Variants in SLC9A9 observed in about 807,000 individuals in gnomAD.
SLC9A9 encodes solute carrier family 9 member A9.
In SLC9A9, 62 loss-of-function variants were observed where a neutral mutation model predicts 77.8. The observed-to-expected ratio is 0.80, with a 90% CI of 0.65 to 0.98. The LOEUF (loss-of-function observed/expected upper bound fraction) is 0.98. Among genes scored for constraint, SLC9A9 ranks in the 50% least tolerant of loss-of-function variants. The probability of loss-of-function intolerance (pLI) is 0.00; values close to 1 mark genes in which losing one functional copy is unlikely to be tolerated. For synonymous variants in SLC9A9, 320 were observed against 283.5 expected, an observed-to-expected ratio of 1.13 and a Z score of -1.29; for missense variants, 775 against 774.9, an observed-to-expected ratio of 1.00 and a Z score of 0.00.
At chr3:143,325,913 A>C (rs1039641363) in intron 14 of SLC9A9, among the ~76,000 whole-genome samples, 2 of 152,226 alleles carry the variant, frequency 1.3e-5, no homozygotes, top group East Asian at 3.8e-4. Flanking sequence ...ATAAAGAGTT[A>C]GGCATCATAA....
intron 6 of SLC9A9, among the ~76,000 whole-genome samples, chr3:143,592,895 T>A (rs1051134232): frequency 6.6e-6 from 1 of 152,116 alleles, no homozygotes; most frequent in Non-Finnish European, 1.5e-5. Context: ...ACTGTCTGCA[T>A]ATACATGTCA....
At chr3:143,790,668 A>G in intron 4 of SLC9A9, among the ~76,000 whole-genome samples, 1 of 152,340 alleles carries the variant, frequency 6.6e-6, no homozygotes, top group East Asian at 1.9e-4. Flanking sequence ...AAACTACAGC[A>G]TCTTCATATG....
At chr3:143,702,762 T>C (rs1307944877) in intron 4 of SLC9A9, among the ~76,000 whole-genome samples, 5 of 151,576 alleles carry the variant, frequency 3.3e-5, no homozygotes, top group African/African-American at 1.2e-4. Flanking sequence ...AAAAAAGACA[T>C]AGAGTGGCTG....
At chr3:143,389,368 G>A (rs577136197) in intron 12 of SLC9A9, among the ~76,000 whole-genome samples, 110 of 152,300 alleles carry the variant, frequency 7.2e-4, no homozygotes, top group Non-Finnish European at 1.2e-3. Context: ...TGGAAAAGAA[G>A]AGAGAGATTT....
intron 5 of SLC9A9, among the ~76,000 whole-genome samples, chr3:143,664,539 T>G (rs1177078609): frequency 2.6e-5 from 4 of 152,154 alleles, no homozygotes; most frequent in African/African-American, 9.7e-5. Context: ...ACTGGCAAAT[T>G]GGATAAAGAG....
chr3:143,515,372 A>G (rs1056350541), intron 9 of SLC9A9, among the ~76,000 whole-genome samples: 4 of 152,234 alleles, frequency 2.6e-5, no homozygotes, highest in African/African-American at 9.6e-5. Flanking sequence ...AAGATGAGGC[A>G]GAGAGGCTTG....
chr3:143,591,247 A>G (rs1218721990), intron 6 of SLC9A9, among the ~76,000 whole-genome samples: 2 of 152,208 alleles, frequency 1.3e-5, no homozygotes, highest in Non-Finnish European at 2.9e-5. Context: ...ATCTGTATCC[A>G]TCTTCTTAGA....
intron 14 of SLC9A9, among the ~76,000 whole-genome samples, chr3:143,357,171 T>C (rs1187742708): frequency 1.4e-5 from 2 of 147,696 alleles, no homozygotes; most frequent in African/African-American, 4.9e-5. Context: ...CTGAAACTAC[T>C]TGTGGAGTTA....
intron 10 of SLC9A9, among the ~76,000 whole-genome samples, chr3:143,493,967 G>C (rs2035792354): frequency 6.6e-6 from 1 of 152,144 alleles, no homozygotes; most frequent in Non-Finnish European, 1.5e-5. Context: ...AGAGAACTCT[G>C]CCTTTCTTTG....
Position 143,598,167 on chromosome 3 carries a change from T to C in SLC9A9, c.756-19444A>G, listed in dbSNP as rs62269798. 3.6e-3 allele frequency among the ~76,000 whole-genome samples: 541 copies of C among 152,280 alleles called. 4 individuals carry two copies. Among genetic ancestry groups the C allele is most frequent in the Middle Eastern group, 6.8e-3 (2 of 294 alleles). On this transcript the variant is annotated intron_variant, in intron 6 of 15. Transcript: ENST00000316549. ...ATCCAGTATAAGGGACACATTATTC[T>C]GAGAGCATAGCTTTCCCTACCGATA...
At chr3:143,283,735 TC>T (rs928880655) in intron 14 of SLC9A9, among the ~76,000 whole-genome samples, 8 of 152,132 alleles carry the variant, frequency 5.3e-5, no homozygotes, top group Admixed American at 1.3e-4. Flanking sequence ...GTATAAAACC[TC>T]CCTTTGGGGT....
At chr3:143,490,054 T>A (rs1257668383) in intron 11 of SLC9A9, among the ~76,000 whole-genome samples, 1 of 152,130 alleles carries the variant, frequency 6.6e-6, no homozygotes, top group Non-Finnish European at 1.5e-5. Context: ...AATAAGAACA[T>A]TTGGGCACTG....
At chr3:143,559,900 G>A (rs541472709) in intron 8 of SLC9A9, among the ~76,000 whole-genome samples, 5 of 152,248 alleles carry the variant, frequency 3.3e-5, no homozygotes, top group Admixed American at 6.5e-5. Flanking sequence ...CTGCCCAAGC[G>A]ACAGAGCAGT....
chr3:143,608,924 T>C (rs2037973317), intron 6 of SLC9A9, among the ~76,000 whole-genome samples: 1 of 152,204 alleles, frequency 6.6e-6, no homozygotes. Context: ...GAGTGCTAGT[T>C]TTTTTCTGTA....
chr3:143,619,586 T>C (rs1201059580), intron 6 of SLC9A9, among the ~76,000 whole-genome samples: 1 of 152,194 alleles, frequency 6.6e-6, no homozygotes, highest in Non-Finnish European at 1.5e-5. Flanking sequence ...CATCTCATGG[T>C]GTCATGCTGT....
intron 11 of SLC9A9, among the ~76,000 whole-genome samples, chr3:143,474,834 C>T (rs531724082): frequency 6.6e-6 from 1 of 152,232 alleles, no homozygotes; most frequent in Admixed American, 6.5e-5. Flanking sequence ...GCCTTGAGGC[C>T]TTTGTACTTG....
At chr3:143,332,331 A>G (rs2031797771) in intron 14 of SLC9A9, among the ~76,000 whole-genome samples, 1 of 152,224 alleles carries the variant, frequency 6.6e-6, no homozygotes, top group Admixed American at 6.5e-5. Context: ...TGGAACTGGT[A>G]CAAAGAAGAA....
rs1176114237 is a variant in SLC9A9 at position 143,495,381 on chromosome 3, G to A, written c.1157C>T (p.Thr386Met). 7.4e-6 allele frequency: 12 copies of A among 1,614,036 alleles called. No homozygotes were observed. Among genetic ancestry groups the A allele is most frequent in the East Asian group, 6.7e-5 (3 of 44,896 alleles). ...IFCYMGLALF[T>M]FQNHIFNALF... ...AGCATTAAAGATATGATTCTGGAAC[G>A]TGAACAGTGCCAGGCCCATGTAACA... Residue 386 changes from threonine to methionine, a missense_variant, in exon 10 of 16, where the codon ACG becomes ATG. Coordinates refer to ENST00000316549, the MANE Select transcript of SLC9A9 (RefSeq NM_173653.4).
In SLC9A9 at chr3:143,763,499, C is replaced by T. The variant is rs146752054; in HGVS notation, c.533+31502G>A. Among the ~76,000 whole-genome samples the T allele has an allele frequency of 2.4e-3, 358 of 152,238 alleles. 1 individual carries two copies. The highest frequency in any genetic ancestry group is 4.1e-3 in the Non-Finnish European group (281 of 68,020). ...TTTAAAGAAAAGCACAAGCCCCTTC[C>T]AGTTCTCTTTGATAATAAAATACCA... On this transcript the variant is annotated intron_variant, in intron 4 of 15. Coordinates refer to ENST00000316549, the MANE Select transcript of SLC9A9 (RefSeq NM_173653.4).
Sources: gnomAD v4.1 joint callset for allele counts (sites outside exome capture counted in the v4.1 genomes callset) on GRCh38, gnomAD v4.1.1 for gene constraint, MANE v1.5 for transcripts, NCBI Gene and HGNC (gene_info 2026-07-23, HGNC 2026-07-21) for gene names.